KIF26B: variants seen among roughly 807,000 people sequenced by gnomAD.
The protein encoded by KIF26B is kinesin family member 26B, also known as kinesin-like protein KIF26B.
A neutral mutation model predicts 151.2 loss-of-function variants in KIF26B; 63 were observed. That is an observed-to-expected ratio of 0.42 (90% CI 0.34 to 0.51). The LOEUF is 0.51. KIF26B is among the 20% of genes least tolerant of loss of function. The pLI is 0.07. For missense variants in KIF26B, 2,813 were observed against 2,913.6 expected (o/e 0.97, Z 0.79); for synonymous variants, 1,357 against 1,262.1 (o/e 1.08, Z -1.59).
chr1:245,280,676 C>T lies in KIF26B; in HGVS notation c.466-86158C>T, dbSNP rs1475894345. 4.6e-4 allele frequency among the ~76,000 whole-genome samples: 53 copies of T among 114,530 alleles called. 2 individuals carry two copies. In the South Asian group the frequency reaches 0.017, roughly 37 times the overall value. 75.1% of individuals were successfully genotyped at this position (114,530 alleles called of 152,430 possible). A position where few individuals can be genotyped will look rare whatever the true frequency, so the allele number is the denominator to read the frequency against. ...TGTGCAGGTTAGTTACATATGTATA[C>T]ATGTGCCATGCTGGTGCGCTGCACC... On this transcript the variant is annotated intron_variant, in intron 2 of 14. Transcript: ENST00000407071.
chr1:245,342,087 C>T (rs1672345020), intron 2 of KIF26B, among the ~76,000 whole-genome samples: 1 of 152,204 alleles, frequency 6.6e-6, no homozygotes, highest in African/African-American at 2.4e-5. Context: ...AGGTGACTAA[C>T]TGGAAAACAT....
At chr1:245,491,246 A>G (rs370439310) in intron 4 of KIF26B, among the ~76,000 whole-genome samples, 8 of 152,340 alleles carry the variant, frequency 5.3e-5, no homozygotes, top group East Asian at 3.9e-4. Flanking sequence ...AAGCTTACAT[A>G]TAAGTGGCTT....
At chr1:245,611,208 GT>G (rs1434526846) in intron 8 of KIF26B, among the ~76,000 whole-genome samples, 3 of 152,308 alleles carry the variant, frequency 2.0e-5, no homozygotes, top group Admixed American at 1.3e-4. Flanking sequence ...GTGTTTGAGG[GT>G]GCCCTTTACA....
chr1:245,459,464 A>T (rs1659604126), intron 4 of KIF26B, among the ~76,000 whole-genome samples: 1 of 152,030 alleles, frequency 6.6e-6, no homozygotes, highest in Admixed American at 6.6e-5. Flanking sequence ...GCTTTCCATG[A>T]TCTTACCTGT....
chr1:245,686,284 C>G lies in KIF26B; in HGVS notation c.3301C>G (p.Pro1101Ala). The G allele has an allele frequency of 6.2e-7, 1 of 1,613,024 alleles. No individual in the cohort carries two copies. The highest frequency in any genetic ancestry group is 8.5e-7 in the Non-Finnish European group (1 of 1,179,882). The change falls in exon 12 of 15, where the codon CCC becomes GCC. Residue 1101 changes from proline to alanine, a missense_variant. This residue lies in a region of KIF26B where 2,060 missense variants were observed against 2,088.6 expected (regional missense o/e 0.99). Transcript: ENST00000407071. The surrounding 1 kb of genome is among the most constrained non-coding windows in gnomAD (Gnocchi z 5.6). The part of the protein sequence containing the change: ...VYTQKGVLPS[P>A]APLPPSSKDS... ...CACCCAGAAGGGGGTCCTGCCGTCT[C>G]CCGCCCCACTGCCTCCCTCGAGCAA... is the stretch of plus-strand genomic sequence containing the variant.
At chr1:245,190,644 T>TG (rs1669088796) in intron 2 of KIF26B, among the ~76,000 whole-genome samples, 1 of 143,050 alleles carries the variant, frequency 7.0e-6, no homozygotes, top group East Asian at 2.0e-4. Context: ...GTTTTGTTTT[T>TG]TTTTTTTTTT....
At chr1:245,473,226 A>G in intron 4 of KIF26B, among the ~76,000 whole-genome samples, 1 of 152,200 alleles carries the variant, frequency 6.6e-6, no homozygotes, top group East Asian at 1.9e-4. Flanking sequence ...CTCTGACCAA[A>G]GGTTAGCTGC....
Position 245,702,492 on chromosome 1 carries a change from G to C in KIF26B, c.6213G>C (p.Leu2071=), listed in dbSNP as rs931876285. 30 of 1,613,894 alleles carry C rather than the reference G, an allele frequency of 1.9e-5. No homozygotes were observed. Among genetic ancestry groups the C allele is most frequent in the Non-Finnish European group, 2.5e-5 (30 of 1,179,850 alleles). The change falls in exon 15 of 15, where the codon CTG becomes CTC. Residue 2071 remains leucine, a synonymous_variant. Transcript: ENST00000407071. The surrounding 1 kb of genome is among the most constrained non-coding windows in gnomAD (Gnocchi z 4.1). ...AGCAGGTTTGGGAGCTGGATTCCCT[G>C]GAGTACCTGGAGGCACTGGAGTGTG... ...DLEQVWELDS[L]EYLEALECVT... is the part of the protein sequence containing the mutation.
intron 2 of KIF26B, among the ~76,000 whole-genome samples, chr1:245,202,476 T>G (rs573696792): frequency 2.6e-5 from 4 of 152,206 alleles, no homozygotes; most frequent in African/African-American, 9.6e-5. Flanking sequence ...TGGGTTGAAG[T>G]GGCCGGGCGC....
chr1:245,405,771 G>C (rs946317464), intron 3 of KIF26B, among the ~76,000 whole-genome samples: 1 of 152,086 alleles, frequency 6.6e-6, no homozygotes, highest in African/African-American at 2.4e-5. Flanking sequence ...ATAGATCTAA[G>C]GGCTTTTCCA....
rs1670166866 is a variant in KIF26B, at chr1:245,239,092, C to T, written c.465+82409C>T. On this transcript the variant is annotated intron_variant, in intron 2 of 14. Transcript: ENST00000407071. The surrounding 1 kb of genome is among the most constrained non-coding windows in gnomAD (Gnocchi z 4.3). Reference sequence around the variant, plus strand: ...GTATTTTCTGCCTCACGTCGCTGTCCTTCTCCCAGCCCATTCATTTTACTT... The same window carrying T: ...GTATTTTCTGCCTCACGTCGCTGTCTTTCTCCCAGCCCATTCATTTTACTT... Among the ~76,000 whole-genome samples, 1 of 152,174 alleles carries T rather than the reference C, an allele frequency of 6.6e-6. No homozygotes were observed. Among genetic ancestry groups the T allele is most frequent in the African/African-American group, 2.4e-5 (1 of 41,454 alleles).
chr1:245,250,846 G>T (rs1473608762), intron 2 of KIF26B, among the ~76,000 whole-genome samples: 2 of 152,264 alleles, frequency 1.3e-5, no homozygotes, highest in Non-Finnish European at 1.5e-5. Flanking sequence ...CGTATTGGGG[G>T]TTCCCAAGAC....
rs1173640212 is a variant in KIF26B at position 245,540,704 on chromosome 1, A to T, written c.1167-63A>T. The T allele has an allele frequency of 2.1e-6, 3 of 1,449,096 alleles. No homozygotes were observed. In the Admixed American group the frequency reaches 5.0e-5, roughly 24 times the overall value. The allele number at this position is 1,449,096 out of a possible 1,614,324, so 89.8% of individuals were successfully genotyped here. A position where few individuals can be genotyped will look rare whatever the true frequency, so the allele number is the denominator to read the frequency against. On this transcript the variant is annotated intron_variant, in intron 4 of 14. Transcript: ENST00000407071. The surrounding 1 kb of genome is among the most constrained non-coding windows in gnomAD (Gnocchi z 4.6). ...CGAGGGGTTGTTTAAGAGAAAACGAAGTAAGCCTAGCAGATCTGATCGTAC... is the reference window on the plus strand; with the variant it reads ...CGAGGGGTTGTTTAAGAGAAAACGATGTAAGCCTAGCAGATCTGATCGTAC...
chr1:245,354,165 G>T (rs1184407355), intron 2 of KIF26B, among the ~76,000 whole-genome samples: 1 of 152,152 alleles, frequency 6.6e-6, no homozygotes, highest in African/African-American at 2.4e-5. Flanking sequence ...CATAAATGTG[G>T]TTTTATGAGG....
At chr1:245,223,428 C>T (rs1230361913) in intron 2 of KIF26B, among the ~76,000 whole-genome samples, 2 of 152,154 alleles carry the variant, frequency 1.3e-5, no homozygotes, top group African/African-American at 4.8e-5. Context: ...GGGCATGCAC[C>T]TGTGTAACCC....
In KIF26B at chr1:245,552,485, T is replaced by C. The variant is rs11585675; in HGVS notation, c.1350+11535T>C. Among the ~76,000 whole-genome samples the C allele has an allele frequency of 5.4e-3, 822 of 152,222 alleles. 1 individual carries two copies. Among genetic ancestry groups the C allele is most frequent in the Admixed American group, 9.5e-3 (145 of 15,276 alleles). On this transcript the variant is annotated intron_variant, in intron 5 of 14. Coordinates refer to ENST00000407071, the MANE Select transcript of KIF26B (RefSeq NM_018012.4). ...ATCTGAATACCGGGGCCCAGCCAAA[T>C]TGACACATTACCATCGCACTAGGGG... is the stretch of plus-strand genomic sequence containing the variant.
chr1:245,253,144 G>A (rs1473492145), intron 2 of KIF26B, among the ~76,000 whole-genome samples: 4 of 151,364 alleles, frequency 2.6e-5, no homozygotes, highest in African/African-American at 9.7e-5. Flanking sequence ...CGAGTAGCTG[G>A]GACTACAGGC....
intron 2 of KIF26B, among the ~76,000 whole-genome samples, chr1:245,365,522 C>A (rs1041706720): frequency 1.3e-5 from 2 of 150,322 alleles, no homozygotes; most frequent in African/African-American, 5.0e-5. Context: ...CTCCCCCCCA[C>A]CAGCCTACAG....
At chr1:245,500,670 T>C (rs528114832) in intron 4 of KIF26B, among the ~76,000 whole-genome samples, 3 of 152,364 alleles carry the variant, frequency 2.0e-5, no homozygotes, top group African/African-American at 7.2e-5. Context: ...GCAGCTTATG[T>C]AGCTCTTGAA....
Sources: gnomAD v4.1 joint callset for allele counts (sites outside exome capture counted in the v4.1 genomes callset) on GRCh38, gnomAD v4.1.1 for gene constraint, gnomAD v4.1.1 regional missense constraint, Gnocchi (gnomAD v3.1) non-coding constraint, MANE v1.5 for transcripts, NCBI Gene and HGNC (gene_info 2026-07-23, HGNC 2026-07-21) for gene names.